SLC17A8: variants seen among roughly 807,000 people sequenced by gnomAD.
SLC17A8 encodes the protein solute carrier family 17 member 8.
A neutral mutation model predicts 58.0 loss-of-function variants in SLC17A8; 31 were observed. The ratio of observed to expected loss-of-function variants is 0.53; its 90% CI spans 0.40 to 0.72. The LOEUF is 0.72. Among genes scored for constraint, SLC17A8 ranks in the 30% least tolerant of loss-of-function variants. The probability of loss-of-function intolerance (pLI) is 0.00; values close to 1 mark genes in which losing one functional copy is unlikely to be tolerated. For missense variants in SLC17A8, 655 were observed against 727.8 expected, an observed-to-expected ratio of 0.90 and a Z score of 1.15; for synonymous variants, 228 against 249.0, an observed-to-expected ratio of 0.92 and a Z score of 0.79.
chr12:100,381,244 G>A (rs1205271876), intron 2 of SLC17A8, among the ~76,000 whole-genome samples: 1 of 152,166 alleles, frequency 6.6e-6, no homozygotes, highest in Non-Finnish European at 1.5e-5. Context: ...TTGAGAGAAA[G>A]CCCTGCAATT....
intron 2 of SLC17A8, among the ~76,000 whole-genome samples, chr12:100,387,386 T>C (rs943282094): frequency 2.0e-5 from 3 of 152,220 alleles, no homozygotes; most frequent in South Asian, 2.1e-4. Flanking sequence ...ATATTGGCCA[T>C]TTATTGGTCT....
In SLC17A8 at chr12:100,419,797, C is replaced by A. The variant is rs370306678; in HGVS notation, c.1426-18C>A. Reference sequence around the variant, plus strand: ...GTTTTAGTTAAAACATTAATTGGCACTTTATTTCCTTATTTAGACCCGTGA... The same window carrying A: ...GTTTTAGTTAAAACATTAATTGGCAATTTATTTCCTTATTTAGACCCGTGA... On this transcript the variant is annotated intron_variant, in intron 11 of 11. Transcript: ENST00000323346. The A allele has an allele frequency of 4.0e-5, 64 of 1,610,104 alleles. No individual in the cohort carries two copies. Among genetic ancestry groups the A allele is most frequent in the Non-Finnish European group, 1.6e-5 (19 of 1,178,984 alleles).
rs947667122 is a variant in SLC17A8, at chr12:100,420,425, T to G, written c.*266T>G. 1 of 416,450 alleles carries G rather than the reference T, an allele frequency of 2.4e-6. No individual in the cohort carries two copies. The highest frequency in any genetic ancestry group is 2.0e-5 in the African/African-American group (1 of 50,498). The allele number at this position is 416,450 out of a possible 1,614,324, so 25.8% of individuals were successfully genotyped here. ...AGAGCTAAACTTATTCAGAAAGGAA[T>G]GACTAGAAGAAAAAGGAGACAATAC... On this transcript the variant is annotated 3_prime_UTR_variant, in exon 12 of 12. Coordinates refer to ENST00000323346, the MANE Select transcript of SLC17A8 (RefSeq NM_139319.3).
rs773521129 is a variant in SLC17A8 at position 100,402,447 on chromosome 12, A to G, written c.871A>G (p.Ile291Val). 4.3e-6 allele frequency: 7 copies of G among 1,614,052 alleles called. No individual in the cohort carries two copies. The highest frequency in any genetic ancestry group is 5.9e-6 in the Non-Finnish European group (7 of 1,180,022). ...NEEKTYIETS[I>V]GEGANVVSLS... ...GGAGAAGACCTATATAGAGACAAGCATAGGAGAGGGGGCCAACGTGGTTAG... is the reference window on the plus strand; with the variant it reads ...GGAGAAGACCTATATAGAGACAAGCGTAGGAGAGGGGGCCAACGTGGTTAG... Residue 291 changes from isoleucine (I) to valine (V), a missense_variant, in exon 7 of 12, where the codon ATA (isoleucine) becomes GTA (valine). Coordinates refer to ENST00000323346, the MANE Select transcript of SLC17A8 (RefSeq NM_139319.3).
At position 100,358,277 on chromosome 12, in the gene SLC17A8, T is replaced by C. The variant is rs559618048; in HGVS notation, c.101+785T>C. On this transcript the variant is annotated intron_variant, in intron 1 of 11. Coordinates refer to ENST00000323346, the MANE Select transcript of SLC17A8 (RefSeq NM_139319.3). The stretch of plus-strand genomic sequence containing the variant: ...AGGTAAAATGACTGCTTTATCTCTC[T>C]GATATAAATAAATGTGAAAAATAAC... 4.2e-4 allele frequency among the ~76,000 whole-genome samples: 64 copies of C among 152,352 alleles called. 1 individual carries two copies. In the South Asian group the frequency reaches 8.5e-3, roughly 20 times the overall value.
chr12:100,407,595 G>T (rs1050426199), intron 9 of SLC17A8, among the ~76,000 whole-genome samples: 44 of 133,668 alleles, frequency 3.3e-4, no homozygotes, highest in African/African-American at 7.6e-4. Flanking sequence ...TATTTTTTTT[G>T]TTTGTTTGTT....
intron 4 of SLC17A8, among the ~76,000 whole-genome samples, 180 bp from the exon 5 acceptor site, chr12:100,396,150 T>C (rs1274004300): frequency 1.3e-5 from 2 of 152,178 alleles, no homozygotes; most frequent in African/African-American, 4.8e-5. Context: ...CCAAATACCA[T>C]CACATTGGGA....
chr12:100,418,126 C>T lies in SLC17A8; in HGVS notation c.1395C>T (p.Pro465=). Residue 465 remains proline, a synonymous_variant, in exon 11 of 12, where the codon CCC becomes CCT. Coordinates refer to ENST00000323346, the MANE Select transcript of SLC17A8 (RefSeq NM_139319.3). ...GAACCCTCTCTGGAATGGTCTGTCCCCTCATTGTCGGTGCAATGACCAGGC... is the reference window on the plus strand; with the variant it reads ...GAACCCTCTCTGGAATGGTCTGTCCTCTCATTGTCGGTGCAATGACCAGGC... The part of the protein sequence containing the change: ...GVGTLSGMVC[P]LIVGAMTRHK... The T allele has an allele frequency of 1.2e-6, 2 of 1,614,142 alleles. No homozygotes were observed.
intron 2 of SLC17A8, among the ~76,000 whole-genome samples, chr12:100,383,648 T>G (rs1210359430): frequency 6.6e-6 from 1 of 152,168 alleles, no homozygotes; most frequent in African/African-American, 2.4e-5. Flanking sequence ...AGGTAGATCT[T>G]TCAAATATGT....
chr12:100,419,336 C>A (rs1444488462), intron 11 of SLC17A8, among the ~76,000 whole-genome samples: 1 of 151,974 alleles, frequency 6.6e-6, no homozygotes, highest in African/African-American at 2.4e-5. Context: ...AGATCGAGAC[C>A]ATCCTGGCTA....
chr12:100,413,741 C>T (rs761874459), intron 10 of SLC17A8, among the ~76,000 whole-genome samples: 1 of 152,098 alleles, frequency 6.6e-6, no homozygotes, highest in African/African-American at 2.4e-5. Flanking sequence ...TTTGGGAGAC[C>T]GAGACGAATG....
chr12:100,417,437 T>C (rs1300769727), intron 10 of SLC17A8, among the ~76,000 whole-genome samples: 3 of 152,200 alleles, frequency 2.0e-5, no homozygotes, highest in Non-Finnish European at 4.4e-5. Flanking sequence ...GTTTACATAG[T>C]AGAAATAAGA....
intron 1 of SLC17A8, among the ~76,000 whole-genome samples, chr12:100,361,774 C>A (rs189545781): frequency 3.5e-4 from 54 of 152,220 alleles, no homozygotes; most frequent in African/African-American, 1.3e-3. Flanking sequence ...CCAGCCTGGG[C>A]AACATGGTGA....
At chr12:100,374,848 C>T (rs1207219431) in intron 1 of SLC17A8, among the ~76,000 whole-genome samples, 1 of 152,084 alleles carries the variant, frequency 6.6e-6, no homozygotes, top group Admixed American at 6.5e-5. Context: ...ATCCTGTGCT[C>T]AGACCCCTCC....
intron 1 of SLC17A8, among the ~76,000 whole-genome samples, chr12:100,380,375 C>A (rs1236743717): frequency 1.3e-5 from 2 of 151,916 alleles, no homozygotes. Flanking sequence ...GACTTAGTTT[C>A]CTCATCTATA....
chr12:100,418,591 TA>T (rs1466847518), intron 11 of SLC17A8, among the ~76,000 whole-genome samples: 1 of 152,206 alleles, frequency 6.6e-6, no homozygotes, highest in Non-Finnish European at 1.5e-5. Context: ...AAGAATAAAA[TA>T]AACAGGACAT....
At chr12:100,357,877 T>A (rs997986382) in intron 1 of SLC17A8, among the ~76,000 whole-genome samples, 17 of 152,196 alleles carry the variant, frequency 1.1e-4, no homozygotes, top group African/African-American at 4.1e-4. Context: ...TTTCACTGAA[T>A]CCACTATAAA....
chr12:100,376,449 G>C (rs991530626), intron 1 of SLC17A8, among the ~76,000 whole-genome samples: 2 of 152,208 alleles, frequency 1.3e-5, no homozygotes, highest in African/African-American at 4.8e-5. Flanking sequence ...AAGGAGCATG[G>C]CCTGGTGTGC....
At chr12:100,408,205 T>C (rs1348577022) in intron 9 of SLC17A8, among the ~76,000 whole-genome samples, 1 of 152,214 alleles carries the variant, frequency 6.6e-6, no homozygotes, top group African/African-American at 2.4e-5. Flanking sequence ...TCATCTTTTA[T>C]TTCCATAGAT....
Sources: gnomAD v4.1 joint callset for allele counts (sites outside exome capture counted in the v4.1 genomes callset) on GRCh38, gnomAD v4.1.1 for gene constraint, MANE v1.5 for transcripts, NCBI Gene and HGNC (gene_info 2026-07-23, HGNC 2026-07-21) for gene names.